CPED1: variants seen among roughly 807,000 people sequenced by gnomAD.
CPED1 encodes the protein cadherin-like and PC-esterase domain-containing protein 1.
A neutral mutation model predicts 128.2 loss-of-function variants in CPED1; 114 were observed. The observed-to-expected ratio is 0.89, with a 90% CI of 0.76 to 1.04. The LOEUF is 1.04. Ranked by LOEUF, CPED1 falls within the 50% of genes least tolerant of loss-of-function variation. CPED1 has a pLI of 0.00. For synonymous variants in CPED1, 462 were observed against 426.7 expected (o/e 1.08, Z -1.02); for missense variants, 1,211 against 1,207.1 (o/e 1.00, Z -0.05).
At chr7:121,293,099 G>A (rs1792743737) in intron 22 of CPED1, among the ~76,000 whole-genome samples, 1 of 152,194 alleles carries the variant, frequency 6.6e-6, no homozygotes, top group Non-Finnish European at 1.5e-5. Flanking sequence ...GAACGTTTAA[G>A]TCTGCTGAAG....
intron 16 of CPED1, among the ~76,000 whole-genome samples, chr7:121,221,253 G>T (rs1360033503): frequency 6.6e-6 from 1 of 152,090 alleles, no homozygotes; most frequent in Non-Finnish European, 1.5e-5. Context: ...TCAGAATGAC[G>T]GTTTCCAGCT....
chr7:121,246,974 G>A (rs895272520), intron 18 of CPED1, among the ~76,000 whole-genome samples: 3 of 152,176 alleles, frequency 2.0e-5, no homozygotes, highest in Non-Finnish European at 4.4e-5. Context: ...GGTCTACATA[G>A]ACTGATGTAT....
chr7:121,224,120 A>C (rs1203248467), intron 16 of CPED1, among the ~76,000 whole-genome samples: 1 of 152,056 alleles, frequency 6.6e-6, no homozygotes, highest in African/African-American at 2.4e-5. Context: ...CCCTCTACAC[A>C]CTGCTTTAAA....
rs144437488 is a variant in CPED1 at position 120,999,063 on chromosome 7, A to G, written c.249+9193A>G. 2.9e-3 allele frequency among the ~76,000 whole-genome samples: 436 copies of G among 152,340 alleles called. 1 individual carries two copies. The highest frequency in any genetic ancestry group is 9.5e-3 in the African/African-American group (395 of 41,584). ...GCCTCTGATACATAGTGAGCATTGA[A>G]TAAATATTCAGTCGATGAATGAATA... On this transcript the variant is annotated intron_variant, in intron 2 of 22. Coordinates refer to ENST00000310396, the MANE Select transcript of CPED1 (RefSeq NM_024913.5).
intron 16 of CPED1, among the ~76,000 whole-genome samples, chr7:121,166,928 G>A (rs187834064): frequency 1.3e-3 from 191 of 152,206 alleles, no homozygotes; most frequent in Non-Finnish European, 2.0e-3. Context: ...AAAAGAGTGC[G>A]TCTGGTGTTT....
At chr7:121,245,191 TA>T (rs1798497017) in intron 18 of CPED1, among the ~76,000 whole-genome samples, 1 of 152,156 alleles carries the variant, frequency 6.6e-6, no homozygotes, top group Non-Finnish European at 1.5e-5. Context: ...AGCAAATAGT[TA>T]AAGAAGAATA....
intron 16 of CPED1, among the ~76,000 whole-genome samples, chr7:121,212,246 C>T (rs1797662133): frequency 6.6e-6 from 1 of 151,976 alleles, no homozygotes; most frequent in Non-Finnish European, 1.5e-5. Flanking sequence ...CAATCTGTTC[C>T]AGATTGTCTT....
intron 21 of CPED1, among the ~76,000 whole-genome samples, chr7:121,270,070 G>T (rs546462122): frequency 6.6e-6 from 1 of 152,128 alleles, no homozygotes; most frequent in African/African-American, 2.4e-5. Context: ...TCATTACTGT[G>T]GGGAGGGCAC....
intron 16 of CPED1, among the ~76,000 whole-genome samples, chr7:121,218,540 C>T (rs1446897947): frequency 3.3e-5 from 5 of 152,002 alleles, no homozygotes; most frequent in Non-Finnish European, 5.9e-5. Context: ...TCAATATCTC[C>T]TGGGCAAACC....
chr7:121,145,663 C>T lies in CPED1; in HGVS notation c.2055+3522C>T, dbSNP rs116878232. Among the ~76,000 whole-genome samples the T allele has an allele frequency of 7.0e-3, 1,071 of 152,128 alleles. 9 individuals carry two copies. Among genetic ancestry groups the T allele is most frequent in the Non-Finnish European group, 0.013 (851 of 67,986 alleles). On this transcript the variant is annotated intron_variant, in intron 16 of 22. Transcript: ENST00000310396. ...CATAGATTCCACTTAAAATTCTAAC[C>T]CATAGACTTTTCTATTATTTCTCTT...
rs1186356753 is a variant in CPED1 at position 121,261,698 on chromosome 7, C to A, written c.2311-4529C>A. The A allele has an allele frequency of 3.1e-6, 5 of 1,608,596 alleles. No individual in the cohort carries two copies. In the South Asian group the frequency reaches 3.3e-5, roughly 11 times the overall value. ...AAGACACAATCCAGTCATCCTGGGA[C>A]CCTAAATGACCTCCCTGCCCCACCC... On this transcript the variant is annotated intron_variant, in intron 18 of 22. Coordinates refer to ENST00000310396, the MANE Select transcript of CPED1 (RefSeq NM_024913.5).
intron 5 of CPED1, among the ~76,000 whole-genome samples, chr7:121,066,919 C>T (rs560775793): frequency 6.6e-6 from 1 of 152,184 alleles, no homozygotes; most frequent in East Asian, 1.9e-4. Context: ...AAGTGATATG[C>T]AGGCATTGTG....
intron 7 of CPED1, among the ~76,000 whole-genome samples, chr7:121,112,858 T>C (rs1316955528): frequency 6.6e-6 from 1 of 152,178 alleles, no homozygotes; most frequent in Non-Finnish European, 1.5e-5. Context: ...AATGAAATAC[T>C]TTCATGTTAT....
At chr7:121,060,098 G>C (rs980203938) in intron 4 of CPED1, among the ~76,000 whole-genome samples, 1 of 152,220 alleles carries the variant, frequency 6.6e-6, no homozygotes, top group Non-Finnish European at 1.5e-5. Context: ...CGGGCAATGA[G>C]GGGCTTAGCA....
At chr7:121,124,116 G>T (rs748595697) in intron 7 of CPED1, among the ~76,000 whole-genome samples, 1 of 152,074 alleles carries the variant, frequency 6.6e-6, no homozygotes, top group South Asian at 2.1e-4. Context: ...AATGGAGTAG[G>T]CATTTCTAAA....
rs1156885230 is a variant in CPED1, at chr7:121,129,333, ATACG to A, written c.1408-789_1408-786del. Among the ~76,000 whole-genome samples the A allele has an allele frequency of 1.2e-3, 163 of 130,862 alleles. 1 individual carries two copies. The highest frequency in any genetic ancestry group is 2.0e-3 in the Non-Finnish European group (119 of 60,272). 85.9% of individuals were successfully genotyped at this position (130,862 alleles called of 152,430 possible). A position where few individuals can be genotyped will look rare whatever the true frequency, so the allele number is the denominator to read the frequency against. On this transcript the variant is annotated intron_variant, in intron 11 of 22. Transcript: ENST00000310396. ...TATACGTATATATATATATATATAT[ATACG>A]TATATATATATATACATACATACAC...
chr7:121,178,868 G>A (rs28624478), intron 16 of CPED1, among the ~76,000 whole-genome samples: 14,911 of 152,014 alleles, frequency 0.098, 1,171 homozygotes, highest in African/African-American at 0.22. Flanking sequence ...TGTTGAGACC[G>A]GGATTGGAGA....
intron 2 of CPED1, among the ~76,000 whole-genome samples, chr7:120,990,707 T>C (rs919863694): frequency 2.6e-5 from 4 of 152,140 alleles, no homozygotes; most frequent in African/African-American, 9.7e-5. Context: ...TTACAACAAG[T>C]AGTATTGTAG....
In CPED1 at chr7:120,989,705, C is replaced by A; in HGVS notation, c.84C>A (p.Leu28=). 1.2e-6 allele frequency: 2 copies of A among 1,613,988 alleles called. No homozygotes were observed. Among genetic ancestry groups the A allele is most frequent in the Non-Finnish European group, 1.7e-6 (2 of 1,180,018 alleles). Residue 28 remains leucine (L), a synonymous_variant, in exon 2 of 23, where the codon CTC becomes CTA. Coordinates refer to ENST00000310396, the MANE Select transcript of CPED1 (RefSeq NM_024913.5). ...TGGGCTTAGTGGTGGCAATCTGTCT[C>A]TTCTACCAGACTCTGACCCTCCGAG... is the stretch of plus-strand genomic sequence containing the variant. ...FLVGLVVAIC[L]FYQTLTLRGS... is the part of the protein sequence containing the mutation.
Sources: allele counts gnomAD v4.1 joint callset (sites outside exome capture counted in the v4.1 genomes callset), GRCh38; gene constraint gnomAD v4.1.1; transcripts MANE v1.5; gene names NCBI Gene and HGNC (gene_info 2026-07-23, HGNC 2026-07-21).